Variants in NDUFS4 observed in about 807,000 individuals in gnomAD.
NDUFS4 encodes the protein NADH dehydrogenase [ubiquinone] iron-sulfur protein 4, mitochondrial.
In NDUFS4, 28 loss-of-function variants were observed where a neutral mutation model predicts 24.3. The ratio of observed to expected loss-of-function variants is 1.15; its 90% CI spans 0.85 to 1.58. The LOEUF is 1.58. NDUFS4 is among the 40% of genes most tolerant of loss of function. NDUFS4 has a pLI of 0.00. For missense variants in NDUFS4, 223 were observed against 207.9 expected (o/e 1.07, Z -0.45); for synonymous variants, 93 against 69.7 (o/e 1.34, Z -1.67).
At position 53,658,644 on chromosome 5, in the gene NDUFS4, G is replaced by T; in HGVS notation, c.424+20G>T. 1 of 1,498,474 alleles carries T rather than the reference G, an allele frequency of 6.7e-7. No homozygotes were observed. Among genetic ancestry groups the T allele is most frequent in the South Asian group, 1.1e-5 (1 of 88,940 alleles). The allele number at this position is 1,498,474 out of a possible 1,614,324, so 92.8% of individuals were successfully genotyped here. On this transcript the variant is annotated intron_variant, in intron 4 of 4. Coordinates refer to ENST00000296684, the MANE Select transcript of NDUFS4 (RefSeq NM_002495.4). The stretch of plus-strand genomic sequence containing the variant: ...AAAATGGTATGTTTGGTCTGTTTTT[G>T]ACAAAGTCAAGATAATGATTTTATG...
intron 2 of NDUFS4, among the ~76,000 whole-genome samples, chr5:53,633,845 A>T (rs147616697): frequency 1.3e-5 from 2 of 152,298 alleles, no homozygotes; most frequent in African/African-American, 4.8e-5. Context: ...TTGGACTCAG[A>T]TTATTTCACA....
intron 1 of NDUFS4, among the ~76,000 whole-genome samples, chr5:53,594,412 G>A (rs931226116): frequency 6.6e-6 from 1 of 151,992 alleles, no homozygotes; most frequent in South Asian, 2.1e-4. Flanking sequence ...CTTTTAGTCT[G>A]TGTCTTTATA....
intron 1 of NDUFS4, among the ~76,000 whole-genome samples, chr5:53,570,064 G>A (rs1561332484): frequency 6.6e-6 from 1 of 152,104 alleles, no homozygotes; most frequent in East Asian, 1.9e-4. Context: ...TATGGGTTAT[G>A]TGTAACCACC....
Position 53,560,755 on chromosome 5 carries a change from G to T in NDUFS4, c.93G>T (p.Pro31=). 4 of 1,614,188 alleles carry T rather than the reference G, an allele frequency of 2.5e-6. No individual in the cohort carries two copies. The highest frequency in any genetic ancestry group is 1.1e-5 in the South Asian group (1 of 91,060). ...AVAALSVSRV[P]TRSLRTSTWR... ...CTGCCCTTTCCGTTTCCAGGGTTCC[G>T]ACCAGGTAATAGAATTTTCACACTT... The change falls in exon 1 of 5, where the codon CCG becomes CCT. Residue 31 remains proline, a synonymous_variant. Coordinates refer to ENST00000296684, the MANE Select transcript of NDUFS4 (RefSeq NM_002495.4).
chr5:53,577,302 C>T (rs1749418427), intron 1 of NDUFS4, among the ~76,000 whole-genome samples: 1 of 152,096 alleles, frequency 6.6e-6, no homozygotes, highest in South Asian at 2.1e-4. Flanking sequence ...TTAAGCTATA[C>T]TTGTGCTTCT....
chr5:53,561,499 G>A (rs1455651931), intron 1 of NDUFS4, among the ~76,000 whole-genome samples: 6 of 100,994 alleles, frequency 5.9e-5, no homozygotes, highest in African/African-American at 2.3e-4. Context: ...TTTCCTTGAA[G>A]CATTTTTGTG....
chr5:53,561,975 T>A (rs1438848472), intron 1 of NDUFS4, among the ~76,000 whole-genome samples: 1 of 152,062 alleles, frequency 6.6e-6, no homozygotes, highest in East Asian at 1.9e-4. Context: ...AATTAAGTGT[T>A]CCATATATGG....
At chr5:53,590,465 A>G (rs987193698) in intron 1 of NDUFS4, among the ~76,000 whole-genome samples, 2 of 152,236 alleles carry the variant, frequency 1.3e-5, no homozygotes, top group African/African-American at 4.8e-5. Context: ...ATTTTGTGTT[A>G]CATAGGCAAG....
intron 2 of NDUFS4, among the ~76,000 whole-genome samples, chr5:53,645,672 A>T (rs1751840516): frequency 6.6e-6 from 1 of 152,132 alleles, no homozygotes. Flanking sequence ...CAAAGGGGGG[A>T]GATACATCAC....
At chr5:53,608,123 T>C (rs1171873071) in intron 2 of NDUFS4, among the ~76,000 whole-genome samples, 2 of 152,216 alleles carry the variant, frequency 1.3e-5, no homozygotes, top group Non-Finnish European at 2.9e-5. Flanking sequence ...AAATTTTGTT[T>C]TGGCTTCCCA....
chr5:53,652,656 T>C (rs1181037874), intron 3 of NDUFS4, among the ~76,000 whole-genome samples: 4 of 152,226 alleles, frequency 2.6e-5, no homozygotes, highest in Admixed American at 6.5e-5. Flanking sequence ...ATTTCTAAAT[T>C]CATATTTTAA....
chr5:53,677,164 G>T (rs1031598583), intron 4 of NDUFS4, among the ~76,000 whole-genome samples: 2 of 152,062 alleles, frequency 1.3e-5, no homozygotes, highest in African/African-American at 4.8e-5. Context: ...TTGTTTTGTG[G>T]CAAATGCTGA....
chr5:53,631,374 T>G (rs1751405780), intron 2 of NDUFS4, among the ~76,000 whole-genome samples: 1 of 152,128 alleles, frequency 6.6e-6, no homozygotes, highest in South Asian at 2.1e-4. Context: ...GGGACCCACT[T>G]GAGGAGGCAG....
intron 2 of NDUFS4, among the ~76,000 whole-genome samples, chr5:53,639,129 T>G (rs1268198656): frequency 6.6e-6 from 1 of 151,992 alleles, no homozygotes; most frequent in Admixed American, 6.6e-5. Context: ...GCTTTAGAAC[T>G]TCTCTTACCA....
At chr5:53,609,424 T>C (rs145796516) in intron 2 of NDUFS4, among the ~76,000 whole-genome samples, 1 of 152,322 alleles carries the variant, frequency 6.6e-6, no homozygotes, top group Non-Finnish European at 1.5e-5. Flanking sequence ...ATATTGACAC[T>C]GGGCATAAAA....
In NDUFS4 at chr5:53,572,957, G is replaced by GTTTTTTT. The variant is rs796960315; in HGVS notation, c.98+12203_98+12209dup. ...CCGTGCCTGGCCTTTGTTGTTTTTT[G>GTTTTTTT]TTTTTTTTTTTTGTTTTTTTTTTTT... On this transcript the variant is annotated intron_variant, in intron 1 of 4. Transcript: ENST00000296684. Among the ~76,000 whole-genome samples, 97 of 103,222 alleles carry GTTTTTTT rather than the reference G, an allele frequency of 9.4e-4. 1 individual carries two copies. The highest frequency in any genetic ancestry group is 1.2e-3 in the Non-Finnish European group (59 of 48,886). 67.7% of individuals were successfully genotyped at this position (103,222 alleles called of 152,430 possible).
chr5:53,640,217 A>G (rs1043764482), intron 2 of NDUFS4, among the ~76,000 whole-genome samples: 8 of 152,056 alleles, frequency 5.3e-5, no homozygotes, highest in African/African-American at 1.9e-4. Context: ...GGGTAGACGG[A>G]AGGATGTTAA....
At chr5:53,582,261 AT>A (rs1478224178) in intron 1 of NDUFS4, among the ~76,000 whole-genome samples, 2 of 134,372 alleles carry the variant, frequency 1.5e-5, no homozygotes, top group African/African-American at 5.4e-5. Flanking sequence ...TAAAATAAAA[AT>A]AAATAGCTAT....
At chr5:53,621,997 G>A (rs956910582) in intron 2 of NDUFS4, among the ~76,000 whole-genome samples, 1 of 151,946 alleles carries the variant, frequency 6.6e-6, no homozygotes, top group Admixed American at 6.5e-5. Flanking sequence ...ACCGCGCCCG[G>A]CCGTAAATTA....
Sources: allele counts gnomAD v4.1 joint callset (sites outside exome capture counted in the v4.1 genomes callset), GRCh38; gene constraint gnomAD v4.1.1; transcripts MANE v1.5; gene names NCBI Gene and HGNC (gene_info 2026-07-23, HGNC 2026-07-21).